ECD: variants seen among roughly 807,000 people sequenced by gnomAD.
ECD encodes ecdysoneless cell cycle regulator.
Under a neutral mutation model 77.2 loss-of-function variants are expected in ECD, and 59 were observed. The ratio of observed to expected loss-of-function variants is 0.76; its 90% CI spans 0.62 to 0.95. ECD has a LOEUF of 0.95. Among genes scored for constraint, ECD ranks in the 40% least tolerant of loss-of-function variants. The probability of loss-of-function intolerance (pLI) is 0.00; values close to 1 mark genes in which losing one functional copy is unlikely to be tolerated. For synonymous variants in ECD, 233 were observed against 267.4 expected (o/e 0.87, Z 1.26); for missense variants, 704 against 763.4 (o/e 0.92, Z 0.92).
rs1843417984 is a variant in ECD at position 73,164,083 on chromosome 10, C to T, written c.-13-133G>A. On this transcript the variant is annotated intron_variant, in intron 1 of 13. Transcript: ENST00000372979. ...GGGCACAGTGGTTCATGCATGTAAT[C>T]CTATCACTTTGGGAGGCCGAGACAG... is the stretch of plus-strand genomic sequence containing the variant. The T allele has an allele frequency of 3.0e-5, 22 of 722,382 alleles. No homozygotes were observed. The South Asian group carries it at 4.5e-4, about 15-fold the overall frequency. The allele number at this position is 722,382 out of a possible 1,614,324, so 44.7% of individuals were successfully genotyped here.
intron 9 of ECD, among the ~76,000 whole-genome samples, chr10:73,144,762 C>T (rs1462596073): frequency 6.6e-6 from 1 of 151,992 alleles, no homozygotes; most frequent in African/African-American, 2.4e-5. Flanking sequence ...ATCTGGAATG[C>T]TTTTTAGTAA....
At chr10:73,151,213 C>A (rs953721447) in intron 7 of ECD, among the ~76,000 whole-genome samples, 10 of 151,990 alleles carry the variant, frequency 6.6e-5, no homozygotes, top group African/African-American at 2.4e-4. Context: ...ATGATGAGTT[C>A]ATGTCCTTTG....
chr10:73,150,038 A>G (rs1299481668), intron 7 of ECD, among the ~76,000 whole-genome samples: 1 of 152,064 alleles, frequency 6.6e-6, no homozygotes, highest in Non-Finnish European at 1.5e-5. Flanking sequence ...AAGTTCATAT[A>G]GAACAAAAAA....
At position 73,156,281 on chromosome 10, in the gene ECD, A is replaced by G. The variant is rs1311685928; in HGVS notation, c.584T>C (p.Ile195Thr). ...ESIRAAVNRR[I>T]RGYPEKIQAS... ...AAAGTGATATTTTTCTTACCCTCTG[A>G]TGCGCCTATTCACAGCAGCTCGTAT... The change falls in exon 5 of 14, where the codon ATC becomes ACC. Residue 195 changes from isoleucine (I) to threonine (T), a missense_variant. Ile to Thr is a moderately conservative substitution (Grantham distance 89, BLOSUM62 -1). Coordinates refer to ENST00000372979, the MANE Select transcript of ECD (RefSeq NM_007265.3). 6.3e-7 allele frequency: 1 copy of G among 1,584,038 alleles called. No individual in the cohort carries two copies. The highest frequency in any genetic ancestry group is 2.2e-5 in the East Asian group (1 of 44,646).
rs747290156 is a variant in ECD at position 73,156,584 on chromosome 10, T to C, written c.395A>G (p.Glu132Gly). ...TATACTTACCCTATTGGTGCTATTT[T>C]CAGGATCCAGCCATTTAGGGAGAAA... ...ADFLPKWLDP[E>G]NSTNRVFFCH... Residue 132 changes from glutamate (E) to glycine (G), a missense_variant, in exon 4 of 14, where the codon GAA becomes GGA. Glu to Gly is a moderately conservative substitution (Grantham distance 98). Coordinates refer to ENST00000372979, the MANE Select transcript of ECD (RefSeq NM_007265.3). The C allele has an allele frequency of 6.2e-7, 1 of 1,614,202 alleles. No individual in the cohort carries two copies. The highest frequency in any genetic ancestry group is 1.1e-5 in the South Asian group (1 of 91,084).
At position 73,133,769 on chromosome 10, in the gene ECD, T is replaced by C. The variant is rs1251864281; in HGVS notation, c.*814A>G. 1 of 152,188 alleles carries C rather than the reference T, an allele frequency of 6.6e-6. No individual in the cohort carries two copies. The allele number at this position is 152,188 out of a possible 1,614,324, so 9.4% of individuals were successfully genotyped here. ...ATTTTAAGAAATAAACATTTCATCTTAGCAAAAGATATATCAGTTATATTA... is the reference window on the plus strand; with the variant it reads ...ATTTTAAGAAATAAACATTTCATCTCAGCAAAAGATATATCAGTTATATTA... On this transcript the variant is annotated 3_prime_UTR_variant, in exon 14 of 14. Transcript: ENST00000372979.
At position 73,163,912 on chromosome 10, in the gene ECD, G is replaced by T. The variant is rs34275727; in HGVS notation, c.26C>A (p.Thr9Lys). Residue 9 changes from threonine to lysine, a missense_variant, in exon 2 of 14, where the codon ACG becomes AAG. Coordinates refer to ENST00000372979, the MANE Select transcript of ECD (RefSeq NM_007265.3). ...GCAGTACTCCACTGTGTCTTCCATC[G>T]TAGCAAGCTTCATGGTTTCTTCCAT... is the stretch of plus-strand genomic sequence containing the variant. MEETMKLA[T>K]MEDTVEYCLF... 1.1e-3 allele frequency: 1,732 copies of T among 1,614,118 alleles called. 1 individual carries two copies. Among genetic ancestry groups the T allele is most frequent in the Non-Finnish European group, 1.2e-3 (1,473 of 1,180,020 alleles).
chr10:73,146,977 C>G (rs1050776604), intron 8 of ECD, among the ~76,000 whole-genome samples: 1 of 151,980 alleles, frequency 6.6e-6, no homozygotes, highest in African/African-American at 2.4e-5. Flanking sequence ...GTGGCTCATG[C>G]CTATAATCTC....
Position 73,154,323 on chromosome 10 carries a change from T to A in ECD, c.716A>T (p.Asp239Val), listed in dbSNP as rs762114627. The change falls in exon 6 of 14, where the codon GAC becomes GTC. Residue 239 changes from aspartate to valine, a missense_variant. Around this residue, in one of 3 missense-constraint regions of ECD, gnomAD observed 559 missense variants for 583.7 expected, o/e 0.96. Transcript: ENST00000372979. ...AAAVQAFYLR[D>V]PIDLRACRVF... ...ACGACAAGCTCGCAGGTCAATAGGGTCTCGTAGGTAAAATGCCTGGACTGC... is the reference window on the plus strand; with the variant it reads ...ACGACAAGCTCGCAGGTCAATAGGGACTCGTAGGTAAAATGCCTGGACTGC... The A allele has an allele frequency of 1.2e-6, 2 of 1,613,848 alleles. No individual in the cohort carries two copies. The highest frequency in any genetic ancestry group is 2.7e-5 in the African/African-American group (2 of 74,880).
intron 9 of ECD, among the ~76,000 whole-genome samples, chr10:73,143,293 C>T (rs964484289): frequency 1.3e-5 from 2 of 152,118 alleles, no homozygotes; most frequent in Non-Finnish European, 2.9e-5. Context: ...CTCAGCCTCC[C>T]GAGCAGCTGG....
intron 2 of ECD, among the ~76,000 whole-genome samples, chr10:73,162,656 G>A (rs1275650465): frequency 6.6e-6 from 1 of 152,160 alleles, no homozygotes. Context: ...GGTATATCTT[G>A]TGATGGTATC....
In ECD at chr10:73,147,003, A is replaced by C. The variant is rs146633536; in HGVS notation, c.1042-642T>G. Among the ~76,000 whole-genome samples, 10 of 150,416 alleles carry C rather than the reference A, an allele frequency of 6.6e-5. No homozygotes were observed. In the East Asian group the frequency reaches 2.0e-3, roughly 30 times the overall value. On this transcript the variant is annotated intron_variant, in intron 8 of 13. Coordinates refer to ENST00000372979, the MANE Select transcript of ECD (RefSeq NM_007265.3). ...CTATAATCTCAGTACTTTGGGAAGC[A>C]GAGGTGGGAGGGTCACTTGAGGACA...
At chr10:73,140,574 C>T (rs1378839802) in intron 9 of ECD, among the ~76,000 whole-genome samples, 2 of 151,768 alleles carry the variant, frequency 1.3e-5, no homozygotes, top group African/African-American at 2.4e-5. Flanking sequence ...CCCAGCTACT[C>T]GGGAGGCTGA....
At chr10:73,156,799 A>C in intron 3 of ECD, 144 bp from the exon 4 acceptor site, 2 of 673,910 alleles carry the variant, frequency 3.0e-6, no homozygotes, top group Non-Finnish European at 2.5e-6. Context: ...AGAAAGCAAA[A>C]TATTTAAGAT....
chr10:73,155,313 G>T (rs1468165551), intron 5 of ECD, among the ~76,000 whole-genome samples: 1 of 151,924 alleles, frequency 6.6e-6, no homozygotes, highest in African/African-American at 2.4e-5. Flanking sequence ...TGATCCACCC[G>T]CCCTGGCCTC....
At chr10:73,142,526 C>T (rs1170903446) in intron 9 of ECD, among the ~76,000 whole-genome samples, 1 of 149,922 alleles carries the variant, frequency 6.7e-6, no homozygotes, top group Non-Finnish European at 1.5e-5. Flanking sequence ...CCCAGCTACT[C>T]AGGAGGCTGA....
At chr10:73,140,252 G>A (rs1010462643) in intron 9 of ECD, among the ~76,000 whole-genome samples, 6 of 151,582 alleles carry the variant, frequency 4.0e-5, no homozygotes, top group African/African-American at 1.5e-4. Flanking sequence ...CAAAGTGCTG[G>A]GATTACAGAC....
At chr10:73,139,236 G>T in intron 11 of ECD, 73 bp downstream of exon 11, 1 of 1,368,788 alleles carries the variant, frequency 7.3e-7, no homozygotes, top group Non-Finnish European at 9.7e-7. Context: ...AAAAAAAAGT[G>T]GAAATGGCAA....
intron 13 of ECD, 60 bp downstream of exon 13, chr10:73,136,644 T>C: frequency 7.0e-7 from 1 of 1,432,438 alleles, no homozygotes; most frequent in Admixed American, 2.1e-5. Context: ...TGATAAAATA[T>C]GGTTTTAGCT....
Sources: allele counts gnomAD v4.1 joint callset (sites outside exome capture counted in the v4.1 genomes callset), GRCh38; gene constraint gnomAD v4.1.1; regional missense constraint gnomAD v4.1.1; transcripts MANE v1.5; gene names NCBI Gene and HGNC (gene_info 2026-07-23, HGNC 2026-07-21).